The following ZMYM5 variants were observed in gnomAD, a reference collection of about 807,000 sequenced individuals.
ZMYM5 encodes the protein zinc finger MYM-type containing 5.
ZMYM5 carries 41 observed loss-of-function variants against 61.8 expected under a neutral mutation model. That is an observed-to-expected ratio of 0.66 (90% CI 0.52 to 0.86). The LOEUF is 0.86. Among genes scored for constraint, ZMYM5 ranks in the 40% least tolerant of loss-of-function variants. The probability of loss-of-function intolerance (pLI) is 0.00; values close to 1 mark genes in which losing one functional copy is unlikely to be tolerated. For synonymous variants in ZMYM5, 257 were observed against 276.4 expected (o/e 0.93, Z 0.70); for missense variants, 706 against 786.7 (o/e 0.90, Z 1.23).
At chr13:19,850,473 T>C (rs1324417806) in intron 4 of ZMYM5, among the ~76,000 whole-genome samples, 1 of 151,800 alleles carries the variant, frequency 6.6e-6, no homozygotes, top group East Asian at 1.9e-4. Context: ...GAGACGGGCG[T>C]GCTTGTAATC....
At chr13:19,858,826 A>G (rs571324172) in intron 2 of ZMYM5, among the ~76,000 whole-genome samples, 1 of 152,278 alleles carries the variant, frequency 6.6e-6, no homozygotes, top group Non-Finnish European at 1.5e-5. Context: ...TAGGCTCAGA[A>G]ATCTGTAGCA....
At chr13:19,861,765 G>A (rs1347242312) in intron 2 of ZMYM5, among the ~76,000 whole-genome samples, 1 of 151,946 alleles carries the variant, frequency 6.6e-6, no homozygotes, top group African/African-American at 2.4e-5. Flanking sequence ...ACAAGGATTG[G>A]TGTTAAAAGC....
intron 7 of ZMYM5, among the ~76,000 whole-genome samples, chr13:19,831,653 A>C (rs1891221244): frequency 6.6e-6 from 1 of 151,446 alleles, no homozygotes; most frequent in African/African-American, 2.4e-5. Context: ...TACAAAAATT[A>C]GCAGGGCATG....
At chr13:19,837,526 T>G (rs1952711695) in intron 6 of ZMYM5, 130 bp downstream of exon 6, 2 of 1,603,638 alleles carry the variant, frequency 1.2e-6, no homozygotes, top group Non-Finnish European at 1.7e-6. Flanking sequence ...ATATCCTTAT[T>G]CTTCCTTTCA....
intron 2 of ZMYM5, among the ~76,000 whole-genome samples, chr13:19,861,936 A>G (rs879646229): frequency 1.3e-5 from 2 of 151,986 alleles, no homozygotes; most frequent in Non-Finnish European, 2.9e-5. Flanking sequence ...GGTCAATCTT[A>G]GAATTAGGAA....
intron 4 of ZMYM5, among the ~76,000 whole-genome samples, chr13:19,844,011 G>A (rs561006079): frequency 1.1e-4 from 17 of 151,680 alleles, no homozygotes; most frequent in African/African-American, 3.4e-4. Context: ...GGTGGCAGGC[G>A]CCTGTAGTCC....
chr13:19,824,606 C>T lies in ZMYM5; in HGVS notation c.1881G>A (p.Met627Ile). The change falls in exon 8 of 8, where the codon ATG becomes ATA. Residue 627 changes from methionine (M) to isoleucine (I), a missense_variant. By Grantham distance (10) the Met-to-Ile change is conservative. Coordinates refer to ENST00000337963, the MANE Select transcript of ZMYM5 (RefSeq NM_001142684.2). Reference sequence around the variant, plus strand: ...AGTACTTAACACTATTGTTGACGTGCATTTCACTTTCTTCATGTTTACTAA... The same window carrying T: ...AGTACTTAACACTATTGTTGACGTGTATTTCACTTTCTTCATGTTTACTAA... ...HILSKHEESE[M>I]HVNNSVKYSK... 7.6e-7 allele frequency: 1 copy of T among 1,312,982 alleles called. No homozygotes were observed. Among genetic ancestry groups the T allele is most frequent in the South Asian group, 1.2e-5 (1 of 80,120 alleles). The allele number at this position is 1,312,982 out of a possible 1,614,324, so 81.3% of individuals were successfully genotyped here.
At chr13:19,848,978 T>C (rs765462208) in intron 4 of ZMYM5, among the ~76,000 whole-genome samples, 7 of 152,018 alleles carry the variant, frequency 4.6e-5, no homozygotes, top group Admixed American at 1.3e-4. Flanking sequence ...ACCAAAAAAA[T>C]TGAGAATAAG....
At chr13:19,841,550 A>T (rs957504110) in intron 4 of ZMYM5, among the ~76,000 whole-genome samples, 1 of 152,146 alleles carries the variant, frequency 6.6e-6, no homozygotes, top group African/African-American at 2.4e-5. Context: ...TTCCCTAATT[A>T]TTCTCAGCAA....
At chr13:19,848,359 T>C (rs1285316102) in intron 4 of ZMYM5, among the ~76,000 whole-genome samples, 1 of 152,006 alleles carries the variant, frequency 6.6e-6, no homozygotes, top group Non-Finnish European at 1.5e-5. Flanking sequence ...TGGCTCACTG[T>C]AGCCTCAAAC....
chr13:19,843,230 GC>G (rs2138561648), intron 4 of ZMYM5, among the ~76,000 whole-genome samples: 1 of 150,604 alleles, frequency 6.6e-6, no homozygotes, highest in South Asian at 2.1e-4. Context: ...TGATTCTCGT[GC>G]CTCAGTCTCC....
rs759305922 is a variant in ZMYM5 at position 19,837,731 on chromosome 13, G to A, written c.963C>T (p.Pro321=). The change falls in exon 6 of 8, where the codon CCC becomes CCT. Residue 321 remains proline (P), a synonymous_variant. Transcript: ENST00000337963. The part of the protein sequence containing the change: ...QEFYSTSCLS[P]CENNWNLKKG... ...TTTTAAGATTCCAGTTGTTTTCACA[G>A]GGAGACAAACAAGATGTACTATAAA... 2 of 1,581,614 alleles carry A rather than the reference G, an allele frequency of 1.3e-6. No homozygotes were observed. The highest frequency in any genetic ancestry group is 1.7e-6 in the Non-Finnish European group (2 of 1,170,904).
chr13:19,835,698 A>G lies in ZMYM5; in HGVS notation c.1039-9T>C. On this transcript the variant is annotated splice_polypyrimidine_tract_variant and intron_variant, in intron 6 of 7. Transcript: ENST00000337963. ...CTGACTTCATGGCGAATCTAAAAGA[A>G]AAACCAGAATTCATTAACTAAGATA... 2 of 1,366,490 alleles carry G rather than the reference A, an allele frequency of 1.5e-6. No homozygotes were observed. Among genetic ancestry groups the G allele is most frequent in the Non-Finnish European group, 2.0e-6 (2 of 1,021,166 alleles). The allele number at this position is 1,366,490 out of a possible 1,614,324, so 84.6% of individuals were successfully genotyped here.
chr13:19,857,101 G>A lies in ZMYM5; in HGVS notation c.-10-4911C>T, dbSNP rs571878945. On this transcript the variant is annotated intron_variant, in intron 2 of 7. Coordinates refer to ENST00000337963, the MANE Select transcript of ZMYM5 (RefSeq NM_001142684.2). Reference sequence around the variant, plus strand: ...AGCCTGGGCGACAGAGCGAGACTCCGTCTCAAAACGAAAACAAAAACAAAA... The same window carrying A: ...AGCCTGGGCGACAGAGCGAGACTCCATCTCAAAACGAAAACAAAAACAAAA... Among the ~76,000 whole-genome samples the A allele has an allele frequency of 8.5e-5, 13 of 152,336 alleles. No individual in the cohort carries two copies. The East Asian group carries it at 2.3e-3, about 27-fold the overall frequency.
chr13:19,842,987 G>GT (rs1278579722), intron 4 of ZMYM5, among the ~76,000 whole-genome samples: 29 of 107,570 alleles, frequency 2.7e-4, no homozygotes, highest in African/African-American at 9.1e-4. Flanking sequence ...AAAAAAAAAA[G>GT]TTTTTTTACA....
intron 4 of ZMYM5, among the ~76,000 whole-genome samples, chr13:19,848,795 A>G (rs1953177458): frequency 6.6e-6 from 1 of 151,968 alleles, no homozygotes; most frequent in Non-Finnish European, 1.5e-5. Context: ...TTGGCCTCCC[A>G]AAGTGCTGGG....
intron 2 of ZMYM5, among the ~76,000 whole-genome samples, chr13:19,860,147 A>T: frequency 7.1e-6 from 1 of 141,566 alleles, no homozygotes; most frequent in East Asian, 2.4e-4. Context: ...AGAATTATAG[A>T]TGGAGTCTCA....
intron 4 of ZMYM5, among the ~76,000 whole-genome samples, chr13:19,848,864 A>C (rs906609727): frequency 6.6e-6 from 1 of 152,200 alleles, no homozygotes; most frequent in Admixed American, 6.6e-5. Context: ...AGCTGGGACT[A>C]CAGGTGCACG....
intron 4 of ZMYM5, among the ~76,000 whole-genome samples, chr13:19,849,067 GA>G (rs1953187550): frequency 6.6e-6 from 1 of 151,978 alleles, no homozygotes; most frequent in Admixed American, 6.6e-5. Context: ...TGTAAATGAT[GA>G]AAAAAATACA....
Sources: gnomAD v4.1 joint callset for allele counts (sites outside exome capture counted in the v4.1 genomes callset) on GRCh38, gnomAD v4.1.1 for gene constraint, MANE v1.5 for transcripts, NCBI Gene and HGNC (gene_info 2026-07-23, HGNC 2026-07-21) for gene names.